Variants in GRIA1 observed in about 807,000 individuals in gnomAD.
GRIA1 encodes the protein glutamate ionotropic receptor AMPA type subunit 1.
GRIA1 carries 31 observed loss-of-function variants against 99.2 expected under a neutral mutation model. The observed-to-expected ratio is 0.31, with a 90% CI of 0.23 to 0.42. The LOEUF is 0.42. GRIA1 is among the 10% of genes least tolerant of loss of function. The pLI, the probability that GRIA1 is intolerant of heterozygous loss-of-function variation, is 1.00. For synonymous variants in GRIA1, 438 were observed against 432.4 expected, an observed-to-expected ratio of 1.01 and a Z score of -0.16; for missense variants, 782 against 1,157.5, an observed-to-expected ratio of 0.68 and a Z score of 4.71.
intron 13 of GRIA1, among the ~76,000 whole-genome samples, chr5:153,771,948 G>C (rs1763910284): frequency 6.6e-6 from 1 of 152,018 alleles, no homozygotes; most frequent in Non-Finnish European, 1.5e-5. Context: ...AAGATGAAAA[G>C]AAAATGTAAC....
intron 11 of GRIA1, among the ~76,000 whole-genome samples, chr5:153,737,522 G>T (rs773580934): frequency 1.3e-5 from 2 of 152,038 alleles, no homozygotes. Flanking sequence ...TCTAAAACTG[G>T]CTAGAACATT....
chr5:153,606,758 T>C (rs1191848355), intron 2 of GRIA1, among the ~76,000 whole-genome samples: 2 of 151,894 alleles, frequency 1.3e-5, no homozygotes, highest in Admixed American at 6.6e-5. Flanking sequence ...CTAAATTCAC[T>C]TTTTTCTACA....
chr5:153,764,776 T>G, intron 12 of GRIA1, 144 bp downstream of exon 12: 1 of 619,014 alleles, frequency 1.6e-6, no homozygotes, highest in East Asian at 2.8e-5. Flanking sequence ...CTCAGGACAT[T>G]TCTAAGCTTT....
chr5:153,608,028 G>A (rs1419996961), intron 2 of GRIA1, among the ~76,000 whole-genome samples: 1 of 151,920 alleles, frequency 6.6e-6, no homozygotes, highest in Non-Finnish European at 1.5e-5. Flanking sequence ...ATGGAAAAAA[G>A]TTTTTGTTGG....
At position 153,541,903 on chromosome 5, in the gene GRIA1, C is replaced by T. The variant is rs531181440; in HGVS notation, c.220+47838C>T. Among the ~76,000 whole-genome samples, 10 of 123,042 alleles carry T rather than the reference C, an allele frequency of 8.1e-5. No individual in the cohort carries two copies. The East Asian group carries it at 9.7e-4, about 12-fold the overall frequency. 80.7% of individuals were successfully genotyped at this position (123,042 alleles called of 152,430 possible). A position where few individuals can be genotyped will look rare whatever the true frequency, so the allele number is the denominator to read the frequency against. On this transcript the variant is annotated intron_variant, in intron 2 of 15. Coordinates refer to ENST00000285900, the MANE Select transcript of GRIA1 (RefSeq NM_000827.4). Reference sequence around the variant, plus strand: ...TGAGATCACGCCACTGCACACCAGCCGGGTGACAGAACGAGATCCTGTTTC... The same window carrying T: ...TGAGATCACGCCACTGCACACCAGCTGGGTGACAGAACGAGATCCTGTTTC...
chr5:153,811,237 G>A lies in GRIA1; in HGVS notation c.*12G>A, dbSNP rs202233772. On this transcript the variant is annotated 3_prime_UTR_variant, in exon 16 of 16. Transcript: ENST00000285900. ...CCACGGGATTGTAACTGGAGCAGATGGAGACCCCTTGGGGAGCAGGCTCGG... is the reference window on the plus strand; with the variant it reads ...CCACGGGATTGTAACTGGAGCAGATAGAGACCCCTTGGGGAGCAGGCTCGG... 27 of 1,608,448 alleles carry A rather than the reference G, an allele frequency of 1.7e-5. No individual in the cohort carries two copies. Among genetic ancestry groups the A allele is most frequent in the Non-Finnish European group, 2.2e-5 (26 of 1,174,970 alleles).
intron 2 of GRIA1, among the ~76,000 whole-genome samples, chr5:153,596,750 T>G (rs1764467456): frequency 6.6e-6 from 1 of 152,224 alleles, no homozygotes; most frequent in South Asian, 2.1e-4. Context: ...AAATGTAATA[T>G]CTCAGCCTTA....
chr5:153,595,235 A>G (rs902666666), intron 2 of GRIA1, among the ~76,000 whole-genome samples: 17 of 152,184 alleles, frequency 1.1e-4, no homozygotes, highest in Admixed American at 1.1e-3. Flanking sequence ...GTGAAACTGT[A>G]ATTTTTAAAA....
intron 13 of GRIA1, among the ~76,000 whole-genome samples, chr5:153,781,559 A>G (rs534844517): frequency 1.3e-5 from 2 of 152,126 alleles, no homozygotes; most frequent in Non-Finnish European, 2.9e-5. Context: ...ATTGCTTATC[A>G]CATAGACCAG....
At chr5:153,711,006 G>T (rs1297207057) in intron 11 of GRIA1, among the ~76,000 whole-genome samples, 2 of 152,156 alleles carry the variant, frequency 1.3e-5, no homozygotes, top group African/African-American at 2.4e-5. Context: ...CATATGCAAA[G>T]GTTCTCAGGT....
At chr5:153,757,035 CTGTGT>C (rs1426184357) in intron 11 of GRIA1, among the ~76,000 whole-genome samples, 1 of 152,074 alleles carries the variant, frequency 6.6e-6, no homozygotes, top group East Asian at 1.9e-4. Flanking sequence ...TTCAAAATAG[CTGTGT>C]TAAGGAAGCT....
rs1387797454 is a variant in GRIA1 at position 153,712,981 on chromosome 5, G to A, written c.1823+6914G>A. 6.6e-5 allele frequency among the ~76,000 whole-genome samples: 10 copies of A among 152,316 alleles called. No individual in the cohort carries two copies. In the East Asian group the frequency reaches 1.9e-3, roughly 29 times the overall value. ...CTGCCCCAGGGCTGATGGGATTAAA[G>A]TTTGGAAGTCATTGAACTAGGGTGC... On this transcript the variant is annotated intron_variant, in intron 11 of 15. Coordinates refer to ENST00000285900, the MANE Select transcript of GRIA1 (RefSeq NM_000827.4).
In GRIA1 at chr5:153,792,394, A is replaced by G. The variant is rs371099756; in HGVS notation, c.2271-2227A>G. ...AAAGTGGTCTTATAGTTCACAGCAA[A>G]AATGAGAATTAGAACCTTGGGAACC... On this transcript the variant is annotated intron_variant, in intron 13 of 15. Coordinates refer to ENST00000285900, the MANE Select transcript of GRIA1 (RefSeq NM_000827.4). Among the ~76,000 whole-genome samples the G allele has an allele frequency of 5.9e-5, 9 of 152,338 alleles. No individual in the cohort carries two copies. The East Asian group carries it at 1.4e-3, about 23-fold the overall frequency.
intron 11 of GRIA1, among the ~76,000 whole-genome samples, chr5:153,712,805 A>T (rs999888292): frequency 1.3e-5 from 2 of 152,194 alleles, no homozygotes; most frequent in Non-Finnish European, 2.9e-5. Context: ...GGGACTAGGC[A>T]TGGGGGTTTC....
At chr5:153,678,324 A>G (rs1400947060) in intron 7 of GRIA1, among the ~76,000 whole-genome samples, 1 of 152,230 alleles carries the variant, frequency 6.6e-6, no homozygotes, top group Non-Finnish European at 1.5e-5. Context: ...GAACCTCACC[A>G]GCTGTTCCTC....
intron 8 of GRIA1, among the ~76,000 whole-genome samples, chr5:153,695,353 G>A (rs1758020166): frequency 6.6e-6 from 1 of 152,196 alleles, no homozygotes; most frequent in Non-Finnish European, 1.5e-5. Flanking sequence ...TCAGCTAGAA[G>A]GCTCCTTGAG....
At chr5:153,519,964 T>C (rs143750838) in intron 2 of GRIA1, among the ~76,000 whole-genome samples, 102 of 152,306 alleles carry the variant, frequency 6.7e-4, no homozygotes, top group Middle Eastern at 6.8e-3. Flanking sequence ...GGATTGTTAA[T>C]CTGTTAATCT....
At chr5:153,556,389 A>G (rs573156656) in intron 2 of GRIA1, among the ~76,000 whole-genome samples, 1 of 152,320 alleles carries the variant, frequency 6.6e-6, no homozygotes, top group African/African-American at 2.4e-5. Context: ...CCAGTGCTCC[A>G]GCAAGATCCG....
chr5:153,744,801 T>C (rs760828401), intron 11 of GRIA1, among the ~76,000 whole-genome samples: 4 of 152,110 alleles, frequency 2.6e-5, no homozygotes, highest in Non-Finnish European at 4.4e-5. Flanking sequence ...TGAAGAAATA[T>C]AAAATCCTTT....
Sources: gnomAD v4.1 joint callset for allele counts (sites outside exome capture counted in the v4.1 genomes callset) on GRCh38, gnomAD v4.1.1 for gene constraint, MANE v1.5 for transcripts, NCBI Gene and HGNC (gene_info 2026-07-23, HGNC 2026-07-21) for gene names.